The following SLC17A3 variants were observed in gnomAD, a reference collection of about 807,000 sequenced individuals.
SLC17A3 encodes sodium-dependent phosphate transport protein 4.
SLC17A3 carries 61 observed loss-of-function variants against 60.3 expected under a neutral mutation model. The ratio of observed to expected loss-of-function variants is 1.01; its 90% CI spans 0.82 to 1.25. The LOEUF (loss-of-function observed/expected upper bound fraction) is 1.25, where lower values mean the gene tolerates loss of function less well. SLC17A3 is among the 50% of genes most tolerant of loss of function. The pLI, the probability that SLC17A3 is intolerant of heterozygous loss-of-function variation, is 0.00. For missense variants in SLC17A3, 624 were observed against 594.9 expected, an observed-to-expected ratio of 1.05 and a Z score of -0.51; for synonymous variants, 192 against 208.9, an observed-to-expected ratio of 0.92 and a Z score of 0.70.
At chr6:25,850,416 A>C (rs1765253719) in intron 8 of SLC17A3, 43 bp downstream of exon 8, 1 of 1,581,966 alleles carries the variant, frequency 6.3e-7, no homozygotes, top group Admixed American at 1.7e-5. Context: ...GTAATTGGTC[A>C]GCCATGCAAG....
intron 11 of SLC17A3, 56 bp from the exon 12 acceptor site, chr6:25,845,572 A>G: frequency 1.3e-6 from 2 of 1,577,526 alleles, no homozygotes; most frequent in Non-Finnish European, 8.7e-7. Context: ...CCTATGAAAC[A>G]TTATATTAAT....
intron 5 of SLC17A3, among the ~76,000 whole-genome samples, chr6:25,860,368 G>A (rs1005889249): frequency 1.1e-4 from 17 of 152,036 alleles, no homozygotes; most frequent in African/African-American, 4.1e-4. Flanking sequence ...TGCCTTCTGG[G>A]GTAGTCCTAT....
intron 2 of SLC17A3, among the ~76,000 whole-genome samples, chr6:25,862,824 A>G (rs1488008050): frequency 6.6e-6 from 1 of 151,794 alleles, no homozygotes. Flanking sequence ...ATATGTGCAC[A>G]TATTTAAATA....
chr6:25,862,350 G>A lies in SLC17A3; in HGVS notation c.186C>T (p.Thr62=). ...TTGTGCTGTTGACCATGGCTACCAT[G>A]GTGATGTTCATGATGACATTTTGTG... The part of the protein sequence containing the change: ...TIAQNVIMNI[T]MVAMVNSTSP... Residue 62 remains threonine, a synonymous_variant, in exon 3 of 13, where the codon ACC becomes ACT. Transcript: ENST00000397060. 1 of 1,613,732 alleles carries A rather than the reference G, an allele frequency of 6.2e-7. No homozygotes were observed. Among genetic ancestry groups the A allele is most frequent in the South Asian group, 1.1e-5 (1 of 91,072 alleles).
At chr6:25,863,927 G>A (rs1305799897) in intron 2 of SLC17A3, among the ~76,000 whole-genome samples, 3 of 152,094 alleles carry the variant, frequency 2.0e-5, no homozygotes, top group African/African-American at 7.2e-5. Flanking sequence ...ATAGCCCTGT[G>A]TTTGGGGACC....
chr6:25,859,648 A>G (rs1294008084), intron 5 of SLC17A3, among the ~76,000 whole-genome samples: 1 of 152,196 alleles, frequency 6.6e-6, no homozygotes, highest in Non-Finnish European at 1.5e-5. Flanking sequence ...CCATACAGCA[A>G]GTGCATGTCA....
chr6:25,846,490 A>G (rs1765176743), intron 11 of SLC17A3, among the ~76,000 whole-genome samples: 1 of 152,238 alleles, frequency 6.6e-6, no homozygotes, highest in African/African-American at 2.4e-5. Flanking sequence ...ATTTCTATGA[A>G]AGGCAAGAAT....
intron 1 of SLC17A3, among the ~76,000 whole-genome samples, chr6:25,872,401 A>G (rs1005122705): frequency 7.3e-5 from 11 of 150,852 alleles, no homozygotes; most frequent in African/African-American, 2.4e-4. Flanking sequence ...TCTTGGGCTT[A>G]AGAAATTTAT....
chr6:25,853,844 C>T (rs577133400), intron 6 of SLC17A3, among the ~76,000 whole-genome samples: 1 of 152,214 alleles, frequency 6.6e-6, no homozygotes, highest in Non-Finnish European at 1.5e-5. Context: ...CTAATATAAG[C>T]ATTTAATGTT....
At position 25,866,049 on chromosome 6, in the gene SLC17A3, C is replaced by T. The variant is rs2151526733; in HGVS notation, c.91+2248G>A. On this transcript the variant is annotated intron_variant, in intron 2 of 12. Transcript: ENST00000397060. The stretch of plus-strand genomic sequence containing the variant: ...TTAAGGTGGCCCCAGTGATTACCAC[C>T]TCATGGTATCCTCACTTTTATCTAA... Among the ~76,000 whole-genome samples the T allele has an allele frequency of 2.0e-5, 3 of 152,084 alleles. No homozygotes were observed. The Middle Eastern group carries it at 0.01, about 517-fold the overall frequency.
chr6:25,871,617 C>T (rs796285810), intron 1 of SLC17A3, among the ~76,000 whole-genome samples: 1 of 151,610 alleles, frequency 6.6e-6, no homozygotes, highest in Non-Finnish European at 1.5e-5. Flanking sequence ...TGCACATGTA[C>T]CCTAAAACTT....
intron 5 of SLC17A3, among the ~76,000 whole-genome samples, chr6:25,856,995 G>A (rs1343741153): frequency 6.6e-6 from 1 of 151,988 alleles, no homozygotes; most frequent in Non-Finnish European, 1.5e-5. Flanking sequence ...TCCAGCCTGG[G>A]CAATGAGTAA....
In SLC17A3 at chr6:25,850,032, C is replaced by T. The variant is rs1561853650; in HGVS notation, c.1123+16G>A. The T allele has an allele frequency of 1.2e-6, 2 of 1,613,920 alleles. No homozygotes were observed. The highest frequency in any genetic ancestry group is 1.7e-6 in the Non-Finnish European group (2 of 1,179,820). On this transcript the variant is annotated intron_variant, in intron 9 of 12. Transcript: ENST00000397060. ...TATGCTACGCAAATTATCTGACCCT[C>T]AAGCTCTGTTCTTACCTAAAATTGT...
chr6:25,867,285 C>T (rs1765552218), intron 2 of SLC17A3, among the ~76,000 whole-genome samples: 1 of 151,892 alleles, frequency 6.6e-6, no homozygotes, highest in African/African-American at 2.4e-5. Context: ...AGCTTGGTTC[C>T]TTGCTTCTAA....
chr6:25,863,520 A>G (rs1765486651), intron 2 of SLC17A3, among the ~76,000 whole-genome samples: 1 of 152,106 alleles, frequency 6.6e-6, no homozygotes, highest in South Asian at 2.1e-4. Flanking sequence ...TGTGGGAAGA[A>G]AAGGGACTTA....
chr6:25,860,016 T>C (rs1278121333), intron 5 of SLC17A3, among the ~76,000 whole-genome samples: 1 of 152,152 alleles, frequency 6.6e-6, no homozygotes, highest in African/African-American at 2.4e-5. Flanking sequence ...TCAAGGCATT[T>C]TCCTCCATGA....
intron 5 of SLC17A3, among the ~76,000 whole-genome samples, chr6:25,857,378 A>G (rs1178752383): frequency 6.6e-6 from 1 of 151,844 alleles, no homozygotes; most frequent in African/African-American, 2.4e-5. Flanking sequence ...ATCTTTATGT[A>G]TTGTGAATGA....
intron 11 of SLC17A3, among the ~76,000 whole-genome samples, chr6:25,847,755 T>C (rs976477566): frequency 1.3e-5 from 2 of 152,264 alleles, no homozygotes; most frequent in South Asian, 4.1e-4. Context: ...TTAATTTTTT[T>C]ATTTCCATAG....
chr6:25,865,050 T>C (rs554526648), intron 2 of SLC17A3, among the ~76,000 whole-genome samples: 1 of 152,058 alleles, frequency 6.6e-6, no homozygotes, highest in African/African-American at 2.4e-5. Flanking sequence ...TGATAGGTCA[T>C]GTAACATGAT....
Sources: gnomAD v4.1 joint callset for allele counts (sites outside exome capture counted in the v4.1 genomes callset) on GRCh38, gnomAD v4.1.1 for gene constraint, MANE v1.5 for transcripts, NCBI Gene and HGNC (gene_info 2026-07-23, HGNC 2026-07-21) for gene names.